TMEM39B: variants seen among roughly 807,000 people sequenced by gnomAD.
TMEM39B encodes the protein transmembrane protein 39B.
TMEM39B carries 23 observed loss-of-function variants against 52.2 expected under a neutral mutation model. The observed-to-expected ratio is 0.44, with a 90% confidence interval of 0.32 to 0.62. The LOEUF is 0.62. Among genes scored for constraint, TMEM39B ranks in the 20% least tolerant of loss-of-function variants. The pLI is 0.06. For missense variants in TMEM39B, 547 were observed against 642.0 expected (o/e 0.85, Z 1.60); for synonymous variants, 285 against 264.0 (o/e 1.08, Z -0.77).
rs188224148 is a variant in TMEM39B, at chr1:32,097,714, G to A, written c.1116-2728G>A. Among the ~76,000 whole-genome samples the A allele has an allele frequency of 1.1e-4, 16 of 151,376 alleles. No individual in the cohort carries two copies. The East Asian group carries it at 1.4e-3, about 13-fold the overall frequency. On this transcript the variant is annotated intron_variant, in intron 7 of 8. Coordinates refer to ENST00000336294, the MANE Select transcript of TMEM39B (RefSeq NM_018056.4). ...GGCTGGAGTGCAGTGGTGTGATCTC[G>A]GCTCACTGCAAGCTCCGCCTCCCAG...
chr1:32,086,470 A>C (rs1443946499), intron 5 of TMEM39B, among the ~76,000 whole-genome samples: 1 of 152,212 alleles, frequency 6.6e-6, no homozygotes, highest in Non-Finnish European at 1.5e-5. Flanking sequence ...TAGTACACAC[A>C]CAAAAAAGAA....
chr1:32,073,446 C>A, intron 1 of TMEM39B: 2 of 735,446 alleles, frequency 2.7e-6, no homozygotes, highest in Non-Finnish European at 3.5e-6. Flanking sequence ...AGCGGGGAGA[C>A]TTCCGACTGA....
chr1:32,076,790 C>G lies in TMEM39B; in HGVS notation c.379C>G (p.Leu127Val). 6.2e-7 allele frequency: 1 copy of G among 1,614,126 alleles called. No homozygotes were observed. The highest frequency in any genetic ancestry group is 8.5e-7 in the Non-Finnish European group (1 of 1,180,010). ...CTTCCATCTGATCGACTTCAACTTG[C>G]TGATGGTGACCACCATCGTTCTGGG... ...LNFHLIDFNL[L>V]MVTTIVLGRR... Residue 127 changes from leucine (L) to valine (V), a missense_variant, in exon 4 of 9, where the codon CTG becomes GTG. Coordinates refer to ENST00000336294, the MANE Select transcript of TMEM39B (RefSeq NM_018056.4).
In TMEM39B at chr1:32,102,726, G is replaced by A. The variant is rs756576076; in HGVS notation, c.*53G>A. 4 of 1,423,994 alleles carry A rather than the reference G, an allele frequency of 2.8e-6. No homozygotes were observed. Among genetic ancestry groups the A allele is most frequent in the Middle Eastern group, 1.9e-4 (1 of 5,290 alleles). 88.2% of individuals were successfully genotyped at this position (1,423,994 alleles called of 1,614,324 possible). A position where few individuals can be genotyped will look rare whatever the true frequency, so the allele number is the denominator to read the frequency against. ...CCAGGCTTCAGCCAAGGGCTCCCTGGCAAGGGGCTGTTGGGTAGAAGTGGT... is the reference window on the plus strand; with the variant it reads ...CCAGGCTTCAGCCAAGGGCTCCCTGACAAGGGGCTGTTGGGTAGAAGTGGT... On this transcript the variant is annotated 3_prime_UTR_variant, in exon 9 of 9. Coordinates refer to ENST00000336294, the MANE Select transcript of TMEM39B (RefSeq NM_018056.4).
intron 5 of TMEM39B, among the ~76,000 whole-genome samples, chr1:32,088,471 T>G (rs1362336260): frequency 2.6e-5 from 4 of 151,986 alleles, no homozygotes; most frequent in South Asian, 2.1e-4. Context: ...AAAGCGATGC[T>G]CTAGACCATG....
chr1:32,102,367 C>A (rs1641048788), intron 8 of TMEM39B, 64 bp from the exon 9 acceptor site: 3 of 1,572,100 alleles, frequency 1.9e-6, no homozygotes, highest in African/African-American at 1.3e-5. Context: ...CCACCCAGAA[C>A]CCCCATCCAG....
chr1:32,075,590 T>G lies in TMEM39B; in HGVS notation c.132-13T>G. The stretch of plus-strand genomic sequence containing the variant: ...CAGGTCAGCTGCTGATGTTGTTCCC[T>G]CCCCACTGTCAGGAGCAGTTCTGGA... On this transcript the variant is annotated splice_polypyrimidine_tract_variant and intron_variant, in intron 2 of 8. Transcript: ENST00000336294. 6.5e-7 allele frequency: 1 copy of G among 1,543,348 alleles called. No homozygotes were observed. The highest frequency in any genetic ancestry group is 8.8e-7 in the Non-Finnish European group (1 of 1,141,096).
chr1:32,075,123 C>T (rs958413044), intron 2 of TMEM39B, 46 bp downstream of exon 2: 22 of 1,524,818 alleles, frequency 1.4e-5, no homozygotes, highest in Non-Finnish European at 1.8e-5. Flanking sequence ...CTCACAGGGA[C>T]GATGTGGACA....
intron 1 of TMEM39B, 47 bp from the exon 2 acceptor site, chr1:32,074,904 A>G (rs1473147536): frequency 2.0e-6 from 3 of 1,523,676 alleles, no homozygotes; most frequent in South Asian, 1.2e-5. Context: ...GTTATCCTTG[A>G]TATATGCCCC....
chr1:32,073,076 C>T, intron 1 of TMEM39B, 25 bp downstream of exon 1: 1 of 1,460,926 alleles, frequency 6.8e-7, no homozygotes, highest in South Asian at 1.3e-5. Context: ...TCAGGCTCGG[C>T]CTGGCAACGA....
chr1:32,077,203 C>T lies in TMEM39B; in HGVS notation c.475C>T (p.Leu159=), dbSNP rs1342581053. The part of the protein sequence containing the change: ...RGKVSLFRSI[L]LFLTRFTVLT... ...GAAGGTCTCCCTCTTTCGCTCCATC[C>T]TGCTGTTCCTCACTCGCTTCACCGT... Residue 159 remains leucine, a synonymous_variant, in exon 5 of 9, where the codon CTG becomes TTG. Transcript: ENST00000336294. 6.2e-6 allele frequency: 10 copies of T among 1,614,066 alleles called. No homozygotes were observed. The highest frequency in any genetic ancestry group is 1.7e-5 in the Admixed American group (1 of 60,002).
intron 7 of TMEM39B, among the ~76,000 whole-genome samples, chr1:32,096,978 A>AT (rs34650899): frequency 1.3e-5 from 2 of 151,176 alleles, no homozygotes; most frequent in African/African-American, 2.4e-5. Context: ...TAATTTTTGT[A>AT]TTTTTTTGTA....
intron 5 of TMEM39B, among the ~76,000 whole-genome samples, chr1:32,082,387 T>TA (rs1291211934): frequency 6.6e-6 from 1 of 152,182 alleles, no homozygotes; most frequent in Non-Finnish European, 1.5e-5. Flanking sequence ...GGCCCAGTAG[T>TA]ATGCATACAT....
At chr1:32,093,194 G>T (rs1208626805) in intron 6 of TMEM39B, among the ~76,000 whole-genome samples, 1 of 151,640 alleles carries the variant, frequency 6.6e-6, no homozygotes, top group African/African-American at 2.4e-5. Flanking sequence ...CACCTCCCAG[G>T]TTCAAGCAAC....
rs200377497 is a variant in TMEM39B at position 32,077,289 on chromosome 1, C to T, written c.561C>T (p.Ser187=). 16 of 1,614,080 alleles carry T rather than the reference C, an allele frequency of 9.9e-6. No individual in the cohort carries two copies. The highest frequency in any genetic ancestry group is 1.4e-5 in the Non-Finnish European group (16 of 1,180,052). ...RSLIHLFRTY[S]FLNLLFLCYP... Reference sequence around the variant, plus strand: ...TCATCCACCTCTTCAGGACCTACTCCTTCCTGAACCTCCTGTTCCTCTGCT... The same window carrying T: ...TCATCCACCTCTTCAGGACCTACTCTTTCCTGAACCTCCTGTTCCTCTGCT... Residue 187 remains serine, a synonymous_variant, in exon 5 of 9, where the codon TCC becomes TCT. Transcript: ENST00000336294.
In TMEM39B at chr1:32,092,017, T is replaced by C. The variant is rs1640629148; in HGVS notation, c.927+6T>C. 6.2e-7 allele frequency: 1 copy of C among 1,610,656 alleles called. No individual in the cohort carries two copies. The highest frequency in any genetic ancestry group is 1.3e-5 in the African/African-American group (1 of 75,016). ...TGCCTGTCTGGTTCGTGAAGGTGCGTACCTCAAGCCAGGGAGGGAAAGGGA... is the reference window on the plus strand; with the variant it reads ...TGCCTGTCTGGTTCGTGAAGGTGCGCACCTCAAGCCAGGGAGGGAAAGGGA... On this transcript the variant is annotated splice_donor_region_variant and intron_variant, in intron 6 of 8. Transcript: ENST00000336294.
At chr1:32,075,958 AAGGT>A in intron 3 of TMEM39B, 136 bp downstream of exon 3, 2 of 598,002 alleles carry the variant, frequency 3.3e-6, no homozygotes, top group Non-Finnish European at 5.8e-6. Context: ...CTGAACATGG[AAGGT>A]GCTGAAGGAA....
chr1:32,078,278 G>A (rs192211611), intron 5 of TMEM39B, among the ~76,000 whole-genome samples: 1 of 152,212 alleles, frequency 6.6e-6, no homozygotes, highest in Non-Finnish European at 1.5e-5. Context: ...GAGTCCAGGG[G>A]TTTGAGACCA....
At chr1:32,087,436 C>G (rs1349808108) in intron 5 of TMEM39B, 1 of 150,806 alleles carries the variant, frequency 6.6e-6, no homozygotes, top group Non-Finnish European at 1.5e-5. Flanking sequence ...CCAGCCTGAC[C>G]AACATGGAAA....
Sources: allele counts gnomAD v4.1 joint callset (sites outside exome capture counted in the v4.1 genomes callset), GRCh38; gene constraint gnomAD v4.1.1; transcripts MANE v1.5; gene names NCBI Gene and HGNC (gene_info 2026-07-23, HGNC 2026-07-21).